The following ATP2B1 variants were observed in gnomAD, a reference collection of about 807,000 sequenced individuals.
ATP2B1 encodes ATPase plasma membrane Ca2+ transporting 1.
Under a neutral mutation model 124.2 loss-of-function variants are expected in ATP2B1, and 14 were observed. That is an observed-to-expected ratio of 0.11 (90% confidence interval 0.07 to 0.18). ATP2B1 has a LOEUF of 0.18. Ranked by LOEUF, ATP2B1 falls within the 10% of genes least tolerant of loss-of-function variation. The pLI, the probability that ATP2B1 is intolerant of heterozygous loss-of-function variation, is 1.00. For synonymous variants in ATP2B1, 449 were observed against 492.4 expected (o/e 0.91, Z 1.17); for missense variants, 763 against 1,466.1 (o/e 0.52, Z 7.83).
chr12:89,609,706 T>A (rs369513208), intron 15 of ATP2B1, among the ~76,000 whole-genome samples: 5 of 152,278 alleles, frequency 3.3e-5, no homozygotes, highest in African/African-American at 1.2e-4. Flanking sequence ...CAACATACAA[T>A]ATTATTAAAT....
intron 1 of ATP2B1, among the ~76,000 whole-genome samples, chr12:89,673,613 T>C (rs1325295052): frequency 6.6e-6 from 1 of 152,192 alleles, no homozygotes; most frequent in African/African-American, 2.4e-5. Flanking sequence ...AGACAACAAA[T>C]ACGACATCTT....
At chr12:89,680,218 C>G (rs190588400) in intron 1 of ATP2B1, among the ~76,000 whole-genome samples, 4 of 152,234 alleles carry the variant, frequency 2.6e-5, no homozygotes, top group Admixed American at 2.6e-4. Flanking sequence ...ACAAAACAAT[C>G]ACCCCCTGCC....
At chr12:89,642,427 A>C (rs1343654620) in intron 2 of ATP2B1, 72 bp from the exon 3 acceptor site, 2 of 1,379,380 alleles carry the variant, frequency 1.4e-6, no homozygotes, top group Non-Finnish European at 2.0e-6. Context: ...TTTATTCAAA[A>C]TACCTCAACT....
intron 3 of ATP2B1, among the ~76,000 whole-genome samples, chr12:89,638,825 A>G (rs1883084838): frequency 6.6e-6 from 1 of 152,212 alleles, no homozygotes; most frequent in Non-Finnish European, 1.5e-5. Flanking sequence ...TATATCCATC[A>G]CCTCATATAG....
intron 1 of ATP2B1, among the ~76,000 whole-genome samples, chr12:89,672,984 A>G (rs1281925092): frequency 2.4e-4 from 37 of 152,222 alleles, no homozygotes. Flanking sequence ...TTACAAAACT[A>G]TAATTCTAAG....
At chr12:89,630,057 G>GT (rs2136153957) in intron 6 of ATP2B1, among the ~76,000 whole-genome samples, 1 of 152,332 alleles carries the variant, frequency 6.6e-6, no homozygotes, top group African/African-American at 2.4e-5. Flanking sequence ...CAAGAGAAAT[G>GT]TAAGGTGTCA....
chr12:89,644,798 CTGA>C (rs752022793), intron 2 of ATP2B1, among the ~76,000 whole-genome samples: 1 of 152,142 alleles, frequency 6.6e-6, no homozygotes, highest in African/African-American at 2.4e-5. Context: ...CCTGTAACAC[CTGA>C]TAATTATCAC....
intron 2 of ATP2B1, among the ~76,000 whole-genome samples, chr12:89,643,589 A>C (rs1327927198): frequency 6.6e-6 from 1 of 152,200 alleles, no homozygotes; most frequent in African/African-American, 2.4e-5. Context: ...AATTAGAAAG[A>C]TATGAGGAGG....
intron 3 of ATP2B1, among the ~76,000 whole-genome samples, chr12:89,636,671 CA>C (rs1882761642): frequency 6.6e-6 from 1 of 151,960 alleles, no homozygotes; most frequent in Admixed American, 6.6e-5. Context: ...GACTAAAAAG[CA>C]ATCTGGGAGG....
chr12:89,647,783 G>A (rs1424214284), intron 2 of ATP2B1, among the ~76,000 whole-genome samples: 1 of 152,154 alleles, frequency 6.6e-6, no homozygotes, highest in Admixed American at 6.5e-5. Context: ...ATTGGATCAT[G>A]GGGGCGAATC....
chr12:89,592,422 G>A (rs1037310743), intron 20 of ATP2B1, among the ~76,000 whole-genome samples: 4 of 151,984 alleles, frequency 2.6e-5, no homozygotes. Flanking sequence ...CAGCAATAAT[G>A]AATAATACAT....
chr12:89,686,075 C>A (rs1309421541), intron 1 of ATP2B1, among the ~76,000 whole-genome samples: 2 of 152,062 alleles, frequency 1.3e-5, no homozygotes, highest in East Asian at 3.9e-4. Flanking sequence ...ACTTTTGCTT[C>A]GGACATTATT....
At chr12:89,614,512 T>C (rs1007964279) in intron 12 of ATP2B1, among the ~76,000 whole-genome samples, 4 of 152,224 alleles carry the variant, frequency 2.6e-5, no homozygotes, top group African/African-American at 4.8e-5. Context: ...TCTTATTACA[T>C]TGGTAACCCT....
chr12:89,662,133 CTTTCT>C (rs1447097371), intron 1 of ATP2B1, among the ~76,000 whole-genome samples: 2 of 149,620 alleles, frequency 1.3e-5, no homozygotes, highest in African/African-American at 2.5e-5. Context: ...TATGATCTTT[CTTTCT>C]TTTTTTTTTT....
intron 20 of ATP2B1, among the ~76,000 whole-genome samples, chr12:89,596,735 G>C (rs1255910933): frequency 1.3e-5 from 2 of 152,104 alleles, no homozygotes; most frequent in East Asian, 3.8e-4. Flanking sequence ...CTGTAGGTTT[G>C]AATTTTTCAA....
intron 1 of ATP2B1, among the ~76,000 whole-genome samples, chr12:89,695,733 C>A (rs1035019972): frequency 2.0e-5 from 3 of 152,124 alleles, no homozygotes; most frequent in African/African-American, 7.2e-5. Flanking sequence ...TACCCATTTC[C>A]ATTGGCTGCT....
At chr12:89,610,580 T>C (rs1459606101) in intron 13 of ATP2B1, 72 bp from the exon 14 acceptor site, 3 of 1,203,652 alleles carry the variant, frequency 2.5e-6, no homozygotes, top group South Asian at 1.2e-5. Context: ...ATCTGGCATA[T>C]TTATCAGTAG....
chr12:89,660,549 A>G (rs1886581501), intron 1 of ATP2B1, among the ~76,000 whole-genome samples: 1 of 152,222 alleles, frequency 6.6e-6, no homozygotes, highest in Admixed American at 6.5e-5. Context: ...CTCAGGCAGT[A>G]GGGCCAGGAA....
intron 5 of ATP2B1, among the ~76,000 whole-genome samples, chr12:89,634,489 T>A (rs563013179): frequency 6.6e-6 from 1 of 152,294 alleles, no homozygotes; most frequent in South Asian, 2.1e-4. Flanking sequence ...AGAGATATCA[T>A]TAGGCCTATA....
Sources: gnomAD v4.1 joint callset for allele counts (sites outside exome capture counted in the v4.1 genomes callset) on GRCh38, gnomAD v4.1.1 for gene constraint, MANE v1.5 for transcripts, NCBI Gene and HGNC (gene_info 2026-07-23, HGNC 2026-07-21) for gene names.